UNC5D: variants seen among roughly 807,000 people sequenced by gnomAD.
The protein encoded by UNC5D is unc-5 netrin receptor D, also known as netrin receptor UNC5D.
UNC5D carries 39 observed loss-of-function variants against 105.4 expected under a neutral mutation model. The ratio of observed to expected loss-of-function variants is 0.37; its 90% confidence interval spans 0.29 to 0.48. The LOEUF (loss-of-function observed/expected upper bound fraction) is 0.48. Among genes scored for constraint, UNC5D ranks in the 20% least tolerant of loss-of-function variants. The pLI, the probability that UNC5D is intolerant of heterozygous loss-of-function variation, is 0.98. For synonymous variants in UNC5D, 452 were observed against 450.4 expected (o/e 1.00, Z -0.04); for missense variants, 991 against 1,202.4 (o/e 0.82, Z 2.60).
intron 1 of UNC5D, among the ~76,000 whole-genome samples, chr8:35,382,271 G>A (rs1803090219): frequency 6.6e-6 from 1 of 152,148 alleles, no homozygotes; most frequent in Non-Finnish European, 1.5e-5. Context: ...CCCTACAGCG[G>A]TTGATGACAT....
chr8:35,575,577 A>G (rs566546365), intron 3 of UNC5D, among the ~76,000 whole-genome samples: 1 of 152,320 alleles, frequency 6.6e-6, no homozygotes, highest in East Asian at 1.9e-4. Context: ...TAAACTGCCC[A>G]TAATACCTCC....
intron 1 of UNC5D, among the ~76,000 whole-genome samples, chr8:35,483,579 G>A (rs1229785349): frequency 5.9e-5 from 9 of 152,124 alleles, no homozygotes; most frequent in Admixed American, 4.6e-4. Context: ...GACATAGAAC[G>A]TTTTAATGTG....
chr8:35,760,793 T>TAGAC (rs915068286), intron 14 of UNC5D, among the ~76,000 whole-genome samples: 4 of 151,678 alleles, frequency 2.6e-5, no homozygotes, highest in African/African-American at 9.7e-5. Context: ...TTTTTAACTA[T>TAGAC]AGACAGGTAT....
intron 1 of UNC5D, among the ~76,000 whole-genome samples, chr8:35,457,137 G>A (rs1252705933): frequency 6.6e-6 from 1 of 152,142 alleles, no homozygotes; most frequent in Non-Finnish European, 1.5e-5. Flanking sequence ...AAATCAAATA[G>A]CCTGTAAAAT....
At position 35,788,689 on chromosome 8, in the gene UNC5D, A is replaced by AACACACACAC. The variant is rs112188484; in HGVS notation, c.2658-1669_2658-1660dup. Among the ~76,000 whole-genome samples, 592 of 151,290 alleles carry AACACACACAC rather than the reference A, an allele frequency of 3.9e-3. 2 individuals carry two copies. Among genetic ancestry groups the AACACACACAC allele is most frequent in the African/African-American group, 0.014 (566 of 41,046 alleles). ...TTGTGGTCAAATTGGGAAGGCAGAA[A>AACACACACAC]ACACACACACGCACACACACACACA... On this transcript the variant is annotated intron_variant, in intron 16 of 16. Transcript: ENST00000404895.
chr8:35,384,031 T>A (rs371553903), intron 1 of UNC5D, among the ~76,000 whole-genome samples: 4 of 151,974 alleles, frequency 2.6e-5, no homozygotes, highest in Non-Finnish European at 1.5e-5. Context: ...CTGGCTAACA[T>A]GGTGAAACCC....
intron 2 of UNC5D, among the ~76,000 whole-genome samples, chr8:35,557,677 C>T (rs1056110160): frequency 7.2e-5 from 11 of 151,884 alleles, no homozygotes; most frequent in East Asian, 1.9e-4. Context: ...AAAGAGTCCC[C>T]GGAGCTGTGG....
Position 35,726,346 on chromosome 8 carries a change from G to T in UNC5D, c.1498G>T (p.Glu500Ter). ...TTCCCTGGGAGTGTCTGAGAGAGCT[G>T]AGTACCACGGCAAGAATCATTCCAG... is the stretch of plus-strand genomic sequence containing the variant. ...MVSLGVSERA[E>*]YHGKNHSRTF... is the part of the protein sequence containing the mutation. Residue 500 changes from glutamate (E) to a stop codon, truncating the protein, a stop_gained, in exon 10 of 17, where the codon GAG becomes TAG. Transcript: ENST00000404895. LOFTEE classifies it high-confidence loss of function. 6.2e-7 allele frequency: 1 copy of T among 1,614,102 alleles called. No homozygotes were observed. Among genetic ancestry groups the T allele is most frequent in the South Asian group, 1.1e-5 (1 of 91,084 alleles).
intron 2 of UNC5D, among the ~76,000 whole-genome samples, chr8:35,560,630 G>T (rs1052097634): frequency 6.6e-6 from 1 of 152,154 alleles, no homozygotes; most frequent in Non-Finnish European, 1.5e-5. Flanking sequence ...ATTTGCCAAG[G>T]CTTCTTTTAG....
intron 1 of UNC5D, among the ~76,000 whole-genome samples, chr8:35,305,261 G>A (rs1017440112): frequency 9.2e-5 from 14 of 152,016 alleles, no homozygotes; most frequent in Admixed American, 2.0e-4. Flanking sequence ...AAATAACCAC[G>A]GTCAGAACTA....
chr8:35,550,965 T>C (rs760701247), intron 2 of UNC5D, among the ~76,000 whole-genome samples: 1 of 152,192 alleles, frequency 6.6e-6, no homozygotes, highest in Non-Finnish European at 1.5e-5. Flanking sequence ...TGTACAAGAA[T>C]AGCAGCCAGT....
At chr8:35,496,549 TG>T (rs978477336) in intron 1 of UNC5D, among the ~76,000 whole-genome samples, 2 of 152,084 alleles carry the variant, frequency 1.3e-5, no homozygotes, top group Non-Finnish European at 1.5e-5. Flanking sequence ...AACTCAGGGA[TG>T]GGGCAGTAAT....
intron 1 of UNC5D, among the ~76,000 whole-genome samples, chr8:35,271,308 CGTGT>C (rs1805280673): frequency 8.8e-6 from 1 of 113,878 alleles, no homozygotes; most frequent in African/African-American, 3.6e-5. Flanking sequence ...CACACATGCA[CGTGT>C]GTATGTATAT....
chr8:35,499,894 C>A (rs1811858657), intron 1 of UNC5D, among the ~76,000 whole-genome samples: 1 of 152,200 alleles, frequency 6.6e-6, no homozygotes, highest in Admixed American at 6.5e-5. Context: ...ATCCCCTACC[C>A]TTACAATGTT....
At chr8:35,391,462 C>G (rs934028162) in intron 1 of UNC5D, among the ~76,000 whole-genome samples, 1 of 152,164 alleles carries the variant, frequency 6.6e-6, no homozygotes, top group Non-Finnish European at 1.5e-5. Flanking sequence ...TTCTATAACT[C>G]TGTTTTTATA....
rs1033353893 is a variant in UNC5D, at chr8:35,796,321, C to G, written c.*5758C>G. The G allele has an allele frequency of 6.8e-6, 1 of 147,732 alleles. No individual in the cohort carries two copies. The highest frequency in any genetic ancestry group is 2.0e-4 in the East Asian group (1 of 4,908). The allele number at this position is 147,732 out of a possible 1,614,324, so 9.2% of individuals were successfully genotyped here. ...GGCTGCACTGGCTTCTTTTTCAGCA[C>G]ATGTACATATCTATAAATATATATA... On this transcript the variant is annotated 3_prime_UTR_variant, in exon 17 of 17. Coordinates refer to ENST00000404895, the MANE Select transcript of UNC5D (RefSeq NM_080872.4).
chr8:35,609,897 C>T (rs1356952151), intron 4 of UNC5D, among the ~76,000 whole-genome samples: 2 of 152,168 alleles, frequency 1.3e-5, no homozygotes, highest in Non-Finnish European at 2.9e-5. Context: ...TCCTACTTGA[C>T]ACATTGAAAG....
intron 1 of UNC5D, among the ~76,000 whole-genome samples, chr8:35,337,690 T>G (rs1283819743): frequency 6.6e-6 from 1 of 152,192 alleles, no homozygotes; most frequent in Non-Finnish European, 1.5e-5. Context: ...TCTCATTATC[T>G]ATGTTAGAAA....
chr8:35,319,867 G>C (rs1585574751), intron 1 of UNC5D, among the ~76,000 whole-genome samples: 1 of 151,844 alleles, frequency 6.6e-6, no homozygotes, highest in Non-Finnish European at 1.5e-5. Context: ...ATCAGGCCCA[G>C]AGAGACATTT....
Sources: allele counts gnomAD v4.1 joint callset (sites outside exome capture counted in the v4.1 genomes callset), GRCh38; gene constraint gnomAD v4.1.1; transcripts MANE v1.5; gene names NCBI Gene and HGNC (gene_info 2026-07-23, HGNC 2026-07-21).